COPA: variants seen among roughly 807,000 people sequenced by gnomAD.
COPA encodes the protein coatomer subunit alpha.
COPA carries 10 observed loss-of-function variants against 158.7 expected under a neutral mutation model. That is an observed-to-expected ratio of 0.06 (90% CI 0.04 to 0.11). The LOEUF (loss-of-function observed/expected upper bound fraction) is 0.11, where lower values mean the gene tolerates loss of function less well. Among genes scored for constraint, COPA ranks in the 10% least tolerant of loss-of-function variants. The probability of loss-of-function intolerance (pLI) is 1.00; values close to 1 mark genes in which losing one functional copy is unlikely to be tolerated. For synonymous variants in COPA, 462 were observed against 542.8 expected (o/e 0.85, Z 2.07); for missense variants, 1,065 against 1,536.7 (o/e 0.69, Z 5.13).
intron 1 of COPA, among the ~76,000 whole-genome samples, chr1:160,341,684 C>T (rs1422294858): frequency 6.6e-6 from 1 of 152,046 alleles, no homozygotes; most frequent in East Asian, 1.9e-4. Context: ...AATCTAAGAC[C>T]CTCCCCCCAA....
intron 17 of COPA, among the ~76,000 whole-genome samples, chr1:160,302,648 A>G (rs1373818799): frequency 7.2e-6 from 1 of 139,792 alleles, no homozygotes; most frequent in Non-Finnish European, 1.5e-5. Flanking sequence ...TCCGCCTCCC[A>G]GGTTCATGCC....
chr1:160,302,641 G>A (rs1463725831), intron 17 of COPA, among the ~76,000 whole-genome samples: 2 of 136,222 alleles, frequency 1.5e-5, no homozygotes, highest in African/African-American at 2.8e-5. Context: ...TGCAACCTCC[G>A]CCTCCCAGGT....
At position 160,325,705 on chromosome 1, in the gene COPA, A is replaced by G. The variant is rs538271128; in HGVS notation, c.497-53T>C. 1.3e-3 allele frequency: 1,639 copies of G among 1,263,776 alleles called. 6 individuals carry two copies. Among genetic ancestry groups the G allele is most frequent in the Admixed American group, 2.0e-3 (116 of 58,888 alleles). 78.3% of individuals were successfully genotyped at this position (1,263,776 alleles called of 1,614,324 possible). A position where few individuals can be genotyped will look rare whatever the true frequency, so the allele number is the denominator to read the frequency against. On this transcript the variant is annotated intron_variant, in intron 6 of 32. Coordinates refer to ENST00000241704, the MANE Select transcript of COPA (RefSeq NM_004371.4). ...AGATGTAAACATAATATTATCTAAA[A>G]CAGCACAGTATCAGAAACACAGAAA... is the stretch of plus-strand genomic sequence containing the variant.
At chr1:160,299,778 A>G (rs1312379511) in intron 17 of COPA, among the ~76,000 whole-genome samples, 1 of 152,246 alleles carries the variant, frequency 6.6e-6, no homozygotes, top group East Asian at 1.9e-4. Flanking sequence ...CTACATGCAT[A>G]TATTAGGAGA....
intron 8 of COPA, among the ~76,000 whole-genome samples, chr1:160,319,556 C>T (rs945953455): frequency 6.7e-6 from 1 of 149,776 alleles, no homozygotes; most frequent in Non-Finnish European, 1.5e-5. Context: ...ATTTACAGAA[C>T]ATTTCACCCA....
rs1340554896 is a variant in COPA, at chr1:160,323,190, G to A, written c.706+241C>T. ...ATTAAGATCGAGAGTAGAATGGGAA[G>A]GAGGGTGAAGGAGGAAATGGAGGAA... On this transcript the variant is annotated intron_variant, in intron 8 of 32. Transcript: ENST00000241704. Among the ~76,000 whole-genome samples, 4 of 152,136 alleles carry A rather than the reference G, an allele frequency of 2.6e-5. No individual in the cohort carries two copies. In the South Asian group the frequency reaches 8.3e-4, roughly 32 times the overall value.
At position 160,316,833 on chromosome 1, in the gene COPA, A is replaced by G. The variant is rs550237762; in HGVS notation, c.707-2708T>C. ...AGAAAGCTTATTCAAAGAAATAATT[A>G]CAGAAAATTTTCCAAAACTTGAGGA... is the stretch of plus-strand genomic sequence containing the variant. On this transcript the variant is annotated intron_variant, in intron 8 of 32. Coordinates refer to ENST00000241704, the MANE Select transcript of COPA (RefSeq NM_004371.4). Among the ~76,000 whole-genome samples, 5 of 152,302 alleles carry G rather than the reference A, an allele frequency of 3.3e-5. No homozygotes were observed. The East Asian group carries it at 9.6e-4, about 29-fold the overall frequency.
At chr1:160,342,330 C>G (rs1398023142) in intron 1 of COPA, among the ~76,000 whole-genome samples, 4 of 152,116 alleles carry the variant, frequency 2.6e-5, no homozygotes, top group Non-Finnish European at 5.9e-5. Flanking sequence ...ACTATTTTTT[C>G]CAGGTCTTCG....
chr1:160,294,106 G>T (rs1032509488), intron 25 of COPA, among the ~76,000 whole-genome samples: 5 of 152,168 alleles, frequency 3.3e-5, no homozygotes, highest in African/African-American at 1.2e-4. Flanking sequence ...AGCATATCAG[G>T]ATAGATGGAA....
At chr1:160,318,471 AAAAAAAAAAAAAAAAAAAAAC>A (rs1172020202) in intron 8 of COPA, among the ~76,000 whole-genome samples, 12 of 79,012 alleles carry the variant, frequency 1.5e-4, no homozygotes, top group South Asian at 1.0e-3. Flanking sequence ...ATATTTGTAA[AAAAAAAAAAAAAAAAAAAAAC>A]AAAAAAAAAA....
intron 8 of COPA, among the ~76,000 whole-genome samples, chr1:160,318,984 A>AC (rs994735917): frequency 6.6e-6 from 1 of 152,036 alleles, no homozygotes; most frequent in African/African-American, 2.4e-5. Flanking sequence ...TCAAAAAAAA[A>AC]CAAAACAAAA....
intron 30 of COPA, 145 bp from the exon 31 acceptor site, chr1:160,291,641 G>T: frequency 8.7e-7 from 1 of 1,150,292 alleles, no homozygotes. Context: ...TCCTAGGTAT[G>T]GAGGACTGGT....
At chr1:160,313,255 A>G in intron 9 of COPA, 88 bp from the exon 10 acceptor site, 1 of 1,191,216 alleles carries the variant, frequency 8.4e-7, no homozygotes, top group South Asian at 1.3e-5. Flanking sequence ...TAAGCCAGCA[A>G]GCTGATTAAA....
At chr1:160,301,080 C>T (rs1471229524) in intron 17 of COPA, among the ~76,000 whole-genome samples, 2 of 151,848 alleles carry the variant, frequency 1.3e-5, no homozygotes, top group South Asian at 4.2e-4. Context: ...GTGCTTGAAC[C>T]CGGGAGGTGG....
chr1:160,318,492 CA>C (rs1184111001), intron 8 of COPA, among the ~76,000 whole-genome samples: 57 of 58,060 alleles, frequency 9.8e-4, no homozygotes, highest in African/African-American at 4.2e-3. Flanking sequence ...AAAAAAAAAA[CA>C]AAAAAAAAAA....
chr1:160,307,568 C>T (rs1162405385), intron 13 of COPA, among the ~76,000 whole-genome samples: 1 of 152,222 alleles, frequency 6.6e-6, no homozygotes, highest in Admixed American at 6.5e-5. Context: ...CAGGGCCTCC[C>T]TGGCCAAGCT....
intron 3 of COPA, 59 bp downstream of exon 3, chr1:160,339,849 AT>A: frequency 6.7e-7 from 1 of 1,498,392 alleles, no homozygotes; most frequent in Admixed American, 1.7e-5. Flanking sequence ...TCCTTTCATG[AT>A]TCCCAAACCT....
At position 160,318,017 on chromosome 1, in the gene COPA, G is replaced by A. The variant is rs372135709; in HGVS notation, c.707-3892C>T. 7.9e-5 allele frequency among the ~76,000 whole-genome samples: 12 copies of A among 152,218 alleles called. No homozygotes were observed. In the South Asian group the frequency reaches 1.7e-3, roughly 21 times the overall value. Reference sequence around the variant, plus strand: ...ATAAATAAGATTGACCAATGCAAGCGTTCATAATAACTTGCGAATTGGCCC... The same window carrying A: ...ATAAATAAGATTGACCAATGCAAGCATTCATAATAACTTGCGAATTGGCCC... On this transcript the variant is annotated intron_variant, in intron 8 of 32. Coordinates refer to ENST00000241704, the MANE Select transcript of COPA (RefSeq NM_004371.4).
intron 8 of COPA, among the ~76,000 whole-genome samples, chr1:160,320,782 T>C (rs1274310401): frequency 4.8e-5 from 6 of 125,220 alleles, no homozygotes; most frequent in Non-Finnish European, 6.5e-5. Flanking sequence ...GCCAATCCTA[T>C]TCAAACTCTT....
Sources: gnomAD v4.1 joint callset for allele counts (sites outside exome capture counted in the v4.1 genomes callset) on GRCh38, gnomAD v4.1.1 for gene constraint, MANE v1.5 for transcripts, NCBI Gene and HGNC (gene_info 2026-07-23, HGNC 2026-07-21) for gene names.